The following CA12 variants were observed in gnomAD, a reference collection of about 807,000 sequenced individuals.
The protein encoded by CA12 is carbonic anhydrase 12, also known as carbonate dehydratase XII.
CA12 carries 36 observed loss-of-function variants against 46.8 expected under a neutral mutation model. The ratio of observed to expected loss-of-function variants is 0.77; its 90% CI spans 0.59 to 1.02. The LOEUF is 1.02. Among genes scored for constraint, CA12 ranks in the 50% least tolerant of loss-of-function variants. The pLI, the probability that CA12 is intolerant of heterozygous loss-of-function variation, is 0.00. For synonymous variants in CA12, 202 were observed against 187.0 expected (o/e 1.08, Z -0.65); for missense variants, 436 against 451.4 (o/e 0.97, Z 0.31).
chr15:63,372,135 T>A lies in CA12; in HGVS notation c.106+3523A>T, dbSNP rs2039515935. Among the ~76,000 whole-genome samples the A allele has an allele frequency of 6.6e-6, 1 of 152,188 alleles. No individual in the cohort carries two copies. The highest frequency in any genetic ancestry group is 2.1e-4 in the South Asian group (1 of 4,822). ...CCACAGGGCACATATTCTGATACCT[T>A]AGCAGGCTGGAGTTTGTCCTTAGCT... On this transcript the variant is annotated intron_variant, in intron 2 of 10. Transcript: ENST00000178638. The surrounding 1 kb of genome is among the most constrained non-coding windows in gnomAD (Gnocchi z 4.5).
At chr15:63,335,093 A>C (rs2152612865) in intron 8 of CA12, among the ~76,000 whole-genome samples, 2 of 152,338 alleles carry the variant, frequency 1.3e-5, no homozygotes, top group South Asian at 4.1e-4. Flanking sequence ...TCCTGCCTGC[A>C]CAGAGTTGGC....
intron 2 of CA12, among the ~76,000 whole-genome samples, chr15:63,370,880 C>T (rs990643077): frequency 1.3e-5 from 2 of 152,102 alleles, no homozygotes; most frequent in African/African-American, 2.4e-5. Flanking sequence ...AGCTGGGAGT[C>T]GCGAGAAGTG....
rs1471258926 is a variant in CA12, at chr15:63,328,460, C to T, written c.875-330G>A. ...CAAGCAATTCTCTGCCTCAGTCTCC[C>T]AAGTAGCTGGGATTACAAGCACCTG... is the stretch of plus-strand genomic sequence containing the variant. On this transcript the variant is annotated intron_variant, in intron 8 of 10. Coordinates refer to ENST00000178638, the MANE Select transcript of CA12 (RefSeq NM_001218.5). This position sits in a 1 kb window ranked among gnomAD's most constrained non-coding sequence, Gnocchi z 5.9. 6.6e-6 allele frequency among the ~76,000 whole-genome samples: 1 copy of T among 151,888 alleles called. No homozygotes were observed. The highest frequency in any genetic ancestry group is 1.5e-5 in the Non-Finnish European group (1 of 67,960).
Position 63,340,160 on chromosome 15 carries a change from T to G in CA12, c.747+128A>C. 9.1e-7 allele frequency: 1 copy of G among 1,100,488 alleles called. No individual in the cohort carries two copies. Among genetic ancestry groups the G allele is most frequent in the Non-Finnish European group, 1.4e-6 (1 of 736,730 alleles). The allele number at this position is 1,100,488 out of a possible 1,614,324, so 68.2% of individuals were successfully genotyped here. A position where few individuals can be genotyped will look rare whatever the true frequency, so the allele number is the denominator to read the frequency against. ...CTGCGGTGCTTTCAGACACCTGTGA[T>G]ATTTGGAGAGGTTTTGAAGAGCTGC... On this transcript the variant is annotated intron_variant, in intron 7 of 10. Transcript: ENST00000178638. This position sits in a 1 kb window ranked among gnomAD's most constrained non-coding sequence, Gnocchi z 4.4.
In CA12 at chr15:63,364,332, GAAAAAAA is replaced by G. The variant is rs34673043; in HGVS notation, c.106+11319_106+11325del. Among the ~76,000 whole-genome samples the G allele has an allele frequency of 4.8e-4, 27 of 56,118 alleles. 1 individual carries two copies. The highest frequency in any genetic ancestry group is 1.7e-3 in the East Asian group (2 of 1,208). 36.8% of individuals were successfully genotyped at this position (56,118 alleles called of 152,430 possible). A position where few individuals can be genotyped will look rare whatever the true frequency, so the allele number is the denominator to read the frequency against. ...GTGAAACAGTGAAACCCCGTCACTA[GAAAAAAA>G]AAAAAAAAAAAAAAAACAGTGGGAC... On this transcript the variant is annotated intron_variant, in intron 2 of 10. Coordinates refer to ENST00000178638, the MANE Select transcript of CA12 (RefSeq NM_001218.5).
chr15:63,367,476 C>T (rs1490501054), intron 2 of CA12, among the ~76,000 whole-genome samples: 1 of 152,184 alleles, frequency 6.6e-6, no homozygotes, highest in African/African-American at 2.4e-5. Flanking sequence ...GCCCCACTTG[C>T]CAATGCCAGC....
chr15:63,358,730 G>A (rs1369075184), intron 2 of CA12, among the ~76,000 whole-genome samples: 3 of 152,106 alleles, frequency 2.0e-5, no homozygotes, highest in East Asian at 1.9e-4. Flanking sequence ...TTCCTCAGGC[G>A]AGTACCCCTT....
intron 2 of CA12, among the ~76,000 whole-genome samples, chr15:63,349,178 G>T (rs2039193153): frequency 6.6e-6 from 1 of 152,184 alleles, no homozygotes; most frequent in Non-Finnish European, 1.5e-5. Context: ...GGTGGGGATG[G>T]GATGTGTGTG....
intron 2 of CA12, among the ~76,000 whole-genome samples, chr15:63,368,357 C>T (rs2039461077): frequency 6.6e-6 from 1 of 152,170 alleles, no homozygotes; most frequent in Non-Finnish European, 1.5e-5. Flanking sequence ...GCACCCTTCG[C>T]CCAGCAGTTG....
At chr15:63,369,631 C>T (rs1034209842) in intron 2 of CA12, among the ~76,000 whole-genome samples, 21 of 152,202 alleles carry the variant, frequency 1.4e-4, no homozygotes, top group African/African-American at 5.1e-4. Flanking sequence ...GCTGCTGGCC[C>T]AGGGACCACA....
rs573435912 is a variant in CA12, at chr15:63,362,798, A to G, written c.106+12860T>C. ...CCTTTATAGTAAAAAAACCACGAAA[A>G]CAAAAATCTTTTGCTTTTTCATAGT... On this transcript the variant is annotated intron_variant, in intron 2 of 10. Transcript: ENST00000178638. Among the ~76,000 whole-genome samples, 73 of 152,268 alleles carry G rather than the reference A, an allele frequency of 4.8e-4. 1 individual carries two copies. The highest frequency in any genetic ancestry group is 3.4e-3 in the Middle Eastern group (1 of 294).
intron 2 of CA12, among the ~76,000 whole-genome samples, chr15:63,359,643 C>T (rs947845313): frequency 3.3e-5 from 5 of 152,246 alleles, no homozygotes; most frequent in East Asian, 3.9e-4. Context: ...CTACAAGGTC[C>T]GTTCTACATG....
intron 10 of CA12, 28 bp from the exon 11 acceptor site, chr15:63,326,385 G>A (rs1395157720): frequency 6.3e-7 from 1 of 1,585,322 alleles, no homozygotes; most frequent in Admixed American, 1.7e-5. Flanking sequence ...CATAACTCTT[G>A]TTAGAGAGGA....
chr15:63,322,382 T>C lies in CA12; in HGVS notation c.*3903A>G, dbSNP rs997789779. On this transcript the variant is annotated 3_prime_UTR_variant, in exon 11 of 11. Coordinates refer to ENST00000178638, the MANE Select transcript of CA12 (RefSeq NM_001218.5). This position sits in a 1 kb window ranked among gnomAD's most constrained non-coding sequence, Gnocchi z 4.1. ...ATCTGTTGGATTATCTAAAATTAAA[T>C]TTAAATTAATGTCACTGGTTTTTTT... The C allele has an allele frequency of 6.6e-6, 1 of 151,538 alleles. No homozygotes were observed. Among genetic ancestry groups the C allele is most frequent in the Non-Finnish European group, 1.5e-5 (1 of 67,998 alleles). The allele number at this position is 151,538 out of a possible 1,614,324, so 9.4% of individuals were successfully genotyped here. A position where few individuals can be genotyped will look rare whatever the true frequency, so the allele number is the denominator to read the frequency against.
In CA12 at chr15:63,355,593, G is replaced by A. The variant is rs1367404095; in HGVS notation, c.107-8884C>T. ...CTGTCAGCTCGCTTTCTGCATGCGT[G>A]TACACCTGGCTCCTGCTGCAGAGCC... On this transcript the variant is annotated intron_variant, in intron 2 of 10. Coordinates refer to ENST00000178638, the MANE Select transcript of CA12 (RefSeq NM_001218.5). The surrounding 1 kb of genome is among the most constrained non-coding windows in gnomAD (Gnocchi z 4.1). Among the ~76,000 whole-genome samples the A allele has an allele frequency of 6.6e-6, 1 of 152,204 alleles. No homozygotes were observed. The highest frequency in any genetic ancestry group is 1.5e-5 in the Non-Finnish European group (1 of 68,038).
At chr15:63,343,965 G>A (rs532467593) in intron 4 of CA12, among the ~76,000 whole-genome samples, 101 of 152,244 alleles carry the variant, frequency 6.6e-4, no homozygotes, top group African/African-American at 2.2e-3. Flanking sequence ...ACTGTGGGCC[G>A]CAAGGTCTTT....
At chr15:63,379,474 A>G (rs1432024617) in intron 1 of CA12, among the ~76,000 whole-genome samples, 1 of 152,194 alleles carries the variant, frequency 6.6e-6, no homozygotes, top group African/African-American at 2.4e-5. Context: ...GCTTAAAAGG[A>G]TTAAACTGAT....
rs932370294 is a variant in CA12 at position 63,321,951 on chromosome 15, G to A, written c.*4334C>T. 6.6e-6 allele frequency: 1 copy of A among 152,296 alleles called. No individual in the cohort carries two copies. The highest frequency in any genetic ancestry group is 1.5e-5 in the Non-Finnish European group (1 of 68,072). 9.4% of individuals were successfully genotyped at this position (152,296 alleles called of 1,614,324 possible). A position where few individuals can be genotyped will look rare whatever the true frequency, so the allele number is the denominator to read the frequency against. On this transcript the variant is annotated 3_prime_UTR_variant, in exon 11 of 11. Coordinates refer to ENST00000178638, the MANE Select transcript of CA12 (RefSeq NM_001218.5). This position sits in a 1 kb window ranked among gnomAD's most constrained non-coding sequence, Gnocchi z 4.5. The stretch of plus-strand genomic sequence containing the variant: ...TCTCCCTCCCTGGCTTCACCCACAA[G>A]GCTTTCTTCTCGGGCTGATTTCTGT...
chr15:63,346,815 G>A, intron 2 of CA12, 106 bp from the exon 3 acceptor site: 1 of 1,336,322 alleles, frequency 7.5e-7, no homozygotes, highest in South Asian at 1.2e-5. Context: ...CCTCTTTTCT[G>A]AATCCCCGGA....
Sources: gnomAD v4.1 joint callset for allele counts (sites outside exome capture counted in the v4.1 genomes callset) on GRCh38, gnomAD v4.1.1 for gene constraint, Gnocchi (gnomAD v3.1) non-coding constraint, MANE v1.5 for transcripts, NCBI Gene and HGNC (gene_info 2026-07-23, HGNC 2026-07-21) for gene names.